Variants in BIRC2 observed in about 807,000 individuals in gnomAD.
BIRC2 encodes baculoviral IAP repeat containing 2.
A neutral mutation model predicts 60.9 loss-of-function variants in BIRC2; 18 were observed. The observed-to-expected ratio is 0.30, with a 90% CI of 0.20 to 0.44. The LOEUF (loss-of-function observed/expected upper bound fraction) is 0.44. BIRC2 is among the 20% of genes least tolerant of loss of function. The pLI, the probability that BIRC2 is intolerant of heterozygous loss-of-function variation, is 1.00. For missense variants in BIRC2, 701 were observed against 728.5 expected, an observed-to-expected ratio of 0.96 and a Z score of 0.43; for synonymous variants, 282 against 247.7, an observed-to-expected ratio of 1.14 and a Z score of -1.30.
At chr11:102,374,853 G>C (rs1164412183) in intron 6 of BIRC2, among the ~76,000 whole-genome samples, 1 of 152,250 alleles carries the variant, frequency 6.6e-6, no homozygotes, top group Non-Finnish European at 1.5e-5. Context: ...AGCCAGGTGT[G>C]GGATATAATC....
intron 6 of BIRC2, among the ~76,000 whole-genome samples, chr11:102,369,443 C>T (rs1591540995): frequency 6.6e-6 from 1 of 151,442 alleles, no homozygotes; most frequent in Non-Finnish European, 1.5e-5. Flanking sequence ...CGATAGTTTA[C>T]TGAGAATGAT....
intron 5 of BIRC2, among the ~76,000 whole-genome samples, chr11:102,367,365 T>C (rs35457182): frequency 0.023 from 3,572 of 152,238 alleles, 58 homozygotes; most frequent in Non-Finnish European, 0.039. Flanking sequence ...GTGTCTCTTA[T>C]CTTGAACATA....
At position 102,350,187 on chromosome 11, in the gene BIRC2, C is replaced by G; in HGVS notation, c.333C>G (p.Ser111Arg). 1.2e-6 allele frequency: 2 copies of G among 1,614,198 alleles called. No homozygotes were observed. The highest frequency in any genetic ancestry group is 8.5e-7 in the Non-Finnish European group (1 of 1,180,030). Residue 111 changes from serine (S) to arginine (R), a missense_variant, in exon 2 of 9, where the codon AGC (serine) becomes AGG (arginine). Transcript: ENST00000227758. ...ATAAACAGCTATATCCTAGCTGTAG[C>G]TTTATTCAGAATCTGGTTTCAGCTA... ...QKHKQLYPSCSFIQNLVSASL... is the reference protein window; with the variant it reads ...QKHKQLYPSCRFIQNLVSASL...
At chr11:102,368,253 TCCA>T in intron 5 of BIRC2, 50 bp from the exon 6 acceptor site, 1 of 1,560,792 alleles carries the variant, frequency 6.4e-7, no homozygotes, top group African/African-American at 1.4e-5. Context: ...GATACTTTTT[TCCA>T]TAGGTTTATG....
rs1437981385 is a variant in BIRC2 at position 102,377,696 on chromosome 11, A to T, written c.1567A>T (p.Ile523Phe). 6.2e-7 allele frequency: 1 copy of T among 1,610,406 alleles called. No individual in the cohort carries two copies. The highest frequency in any genetic ancestry group is 8.5e-7 in the Non-Finnish European group (1 of 1,179,200). ...GGTTAAAGGAAATGCTGCGGCCAACATCTTCAAAAACTGTCTAAAAGAAAT... is the reference window on the plus strand; with the variant it reads ...GGTTAAAGGAAATGCTGCGGCCAACTTCTTCAAAAACTGTCTAAAAGAAAT... ...ILVKGNAAANIFKNCLKEIDS... is the reference protein window; with the variant it reads ...ILVKGNAAANFFKNCLKEIDS... The change falls in exon 7 of 9, where the codon ATC (isoleucine) becomes TTC (phenylalanine). Residue 523 changes from isoleucine (I) to phenylalanine (F), a missense_variant. Around this residue, in one of 4 missense-constraint regions of BIRC2, gnomAD observed 235 missense variants for 208.9 expected, o/e 1.12. Coordinates refer to ENST00000227758, the MANE Select transcript of BIRC2 (RefSeq NM_001166.5).
chr11:102,348,945 T>G lies in BIRC2; in HGVS notation c.-910T>G. 1 of 159,216 alleles carries G rather than the reference T, an allele frequency of 6.3e-6. No individual in the cohort carries two copies. The allele number at this position is 159,216 out of a possible 1,614,324, so 9.9% of individuals were successfully genotyped here. A position where few individuals can be genotyped will look rare whatever the true frequency, so the allele number is the denominator to read the frequency against. On this transcript the variant is annotated 5_prime_UTR_variant, in exon 2 of 9. In the 5' UTR this introduces an upstream ATG that the reference lacks. Coordinates refer to ENST00000227758, the MANE Select transcript of BIRC2 (RefSeq NM_001166.5). ...AGTCCTTAAATGATGAACAGGTTATTTAGTTTTTAAATGCAGTGTAAAAAG... is the reference window on the plus strand; with the variant it reads ...AGTCCTTAAATGATGAACAGGTTATGTAGTTTTTAAATGCAGTGTAAAAAG...
chr11:102,360,996 T>G (rs1279652962), intron 3 of BIRC2, among the ~76,000 whole-genome samples: 1 of 152,022 alleles, frequency 6.6e-6, no homozygotes, highest in Non-Finnish European at 1.5e-5. Flanking sequence ...CTTTTTTTAG[T>G]CTATAGTGGC....
In BIRC2 at chr11:102,350,439, A is replaced by G. The variant is rs753726394; in HGVS notation, c.585A>G (p.Pro195=). 1.6e-5 allele frequency: 26 copies of G among 1,614,086 alleles called. No homozygotes were observed. Among genetic ancestry groups the G allele is most frequent in the African/African-American group, 1.3e-5 (1 of 74,934 alleles). Residue 195 remains proline (P), a synonymous_variant, in exon 2 of 9, where the codon CCA becomes CCG. Transcript: ENST00000227758. ...GATTTCTTACCTACCATATGTGGCC[A>G]TTAACTTTTTTGTCACCATCAGAAT... ...EARFLTYHMW[P]LTFLSPSELA...
rs1044327565 is a variant in BIRC2 at position 102,349,599 on chromosome 11, G to T, written c.-256G>T. On this transcript the variant is annotated 5_prime_UTR_variant, in exon 2 of 9. Coordinates refer to ENST00000227758, the MANE Select transcript of BIRC2 (RefSeq NM_001166.5). ...AGGGCTTTAAGTTAGTATTACTCAA[G>T]ATTATGAACAAATAGCACTTAGGTT... is the stretch of plus-strand genomic sequence containing the variant. The T allele has an allele frequency of 2.1e-5, 7 of 334,756 alleles. No homozygotes were observed. Among genetic ancestry groups the T allele is most frequent in the Admixed American group, 8.7e-5 (2 of 23,028 alleles). 20.7% of individuals were successfully genotyped at this position (334,756 alleles called of 1,614,324 possible). A position where few individuals can be genotyped will look rare whatever the true frequency, so the allele number is the denominator to read the frequency against.
At chr11:102,358,605 G>T (rs1951449302) in intron 3 of BIRC2, among the ~76,000 whole-genome samples, 1 of 152,090 alleles carries the variant, frequency 6.6e-6, no homozygotes. Context: ...ATCTATTAAT[G>T]TCTTCAGATC....
At chr11:102,364,032 A>G (rs1402825841) in intron 5 of BIRC2, among the ~76,000 whole-genome samples, 1 of 151,026 alleles carries the variant, frequency 6.6e-6, no homozygotes, top group Non-Finnish European at 1.5e-5. Context: ...CCTGGGCAAC[A>G]GAGCGAAACT....
chr11:102,377,145 A>T (rs987521524), intron 6 of BIRC2, among the ~76,000 whole-genome samples: 4 of 152,226 alleles, frequency 2.6e-5, no homozygotes, highest in Admixed American at 6.5e-5. Flanking sequence ...GTATCAAATG[A>T]GACAAATTAC....
chr11:102,354,867 A>G (rs1270727015), intron 3 of BIRC2, among the ~76,000 whole-genome samples: 1 of 149,074 alleles, frequency 6.7e-6, no homozygotes, highest in Non-Finnish European at 1.5e-5. Flanking sequence ...CTTTTCATGT[A>G]CCTGTTGGCC....
At position 102,371,777 on chromosome 11, in the gene BIRC2, G is replaced by A. The variant is rs1230773173; in HGVS notation, c.1366+3229G>A. Reference sequence around the variant, plus strand: ...CTCCTTGTACCTCTGGTAGAATTCCGCTGTGAATCCATCTGGTCCTGGACT... The same window carrying A: ...CTCCTTGTACCTCTGGTAGAATTCCACTGTGAATCCATCTGGTCCTGGACT... On this transcript the variant is annotated intron_variant, in intron 6 of 8. Transcript: ENST00000227758. 6.0e-5 allele frequency among the ~76,000 whole-genome samples: 9 copies of A among 150,418 alleles called. No homozygotes were observed. In the East Asian group the frequency reaches 1.2e-3, roughly 20 times the overall value.
chr11:102,356,703 G>A (rs1443323399), intron 3 of BIRC2, among the ~76,000 whole-genome samples: 1 of 146,600 alleles, frequency 6.8e-6, no homozygotes, highest in East Asian at 2.0e-4. Flanking sequence ...TTTTGAGATG[G>A]AGTGTTGCTC....
At chr11:102,375,005 A>G (rs922651833) in intron 6 of BIRC2, among the ~76,000 whole-genome samples, 16 of 152,272 alleles carry the variant, frequency 1.1e-4, no homozygotes, top group South Asian at 2.1e-4. Context: ...AAGTGTGGCA[A>G]TGCCTTGCCC....
Position 102,368,456 on chromosome 11 carries a change from A to G in BIRC2, c.1274A>G (p.Lys425Arg). The G allele has an allele frequency of 3.1e-6, 5 of 1,614,034 alleles. No homozygotes were observed. Among genetic ancestry groups the G allele is most frequent in the Non-Finnish European group, 4.2e-6 (5 of 1,179,964 alleles). ...SKILTTGENYKTVNDIVSALL... is the reference protein window; with the variant it reads ...SKILTTGENYRTVNDIVSALL... ...ATCCTGACAACTGGAGAGAACTATAAAACAGTTAATGATATTGTGTCAGCA... is the reference window on the plus strand; with the variant it reads ...ATCCTGACAACTGGAGAGAACTATAGAACAGTTAATGATATTGTGTCAGCA... The change falls in exon 6 of 9, where the codon AAA becomes AGA. Residue 425 changes from lysine to arginine, a missense_variant. By Grantham distance (26) the Lys-to-Arg change is conservative. Transcript: ENST00000227758.
chr11:102,354,774 A>G (rs1035031559), intron 3 of BIRC2, among the ~76,000 whole-genome samples: 2 of 152,138 alleles, frequency 1.3e-5, no homozygotes, highest in Admixed American at 6.6e-5. Flanking sequence ...CTCCGATGAT[A>G]ATAAGGCATC....
At chr11:102,360,877 G>T (rs1368503320) in intron 3 of BIRC2, among the ~76,000 whole-genome samples, 1 of 151,706 alleles carries the variant, frequency 6.6e-6, no homozygotes, top group Non-Finnish European at 1.5e-5. Flanking sequence ...CTCTGTGGAA[G>T]GCCCAGCATT....
Sources: allele counts gnomAD v4.1 joint callset (sites outside exome capture counted in the v4.1 genomes callset), GRCh38; gene constraint gnomAD v4.1.1; regional missense constraint gnomAD v4.1.1; transcripts MANE v1.5; gene names NCBI Gene and HGNC (gene_info 2026-07-23, HGNC 2026-07-21).